COL28A1: variants seen among roughly 807,000 people sequenced by gnomAD.
COL28A1 encodes the protein collagen alpha-1(XXVIII) chain.
COL28A1 carries 161 observed loss-of-function variants against 150.2 expected under a neutral mutation model. The observed-to-expected ratio is 1.07, with a 90% confidence interval of 0.94 to 1.22. The LOEUF is 1.22. Among genes scored for constraint, COL28A1 ranks in the 50% most tolerant of loss-of-function variants. The probability of loss-of-function intolerance (pLI) is 0.00; values close to 1 mark genes in which losing one functional copy is unlikely to be tolerated. For synonymous variants in COL28A1, 552 were observed against 469.7 expected, an observed-to-expected ratio of 1.18 and a Z score of -2.26; for missense variants, 1,617 against 1,388.3, an observed-to-expected ratio of 1.16 and a Z score of -2.62.
At chr7:7,429,015 G>A (rs1256636438) in intron 25 of COL28A1, among the ~76,000 whole-genome samples, 1 of 152,168 alleles carries the variant, frequency 6.6e-6, no homozygotes, top group Admixed American at 6.5e-5. Flanking sequence ...TGAGTTTAAT[G>A]TCTGTGTCAT....
At position 7,471,592 on chromosome 7, in the gene COL28A1, C is replaced by T. The variant is rs1446449019; in HGVS notation, c.1302+3009G>A. Among the ~76,000 whole-genome samples, 3 of 152,238 alleles carry T rather than the reference C, an allele frequency of 2.0e-5. No individual in the cohort carries two copies. The East Asian group carries it at 5.8e-4, about 29-fold the overall frequency. On this transcript the variant is annotated intron_variant, in intron 15 of 34. Transcript: ENST00000399429. ...TACGCAAGTCAATAAATGTGATACA[C>T]CACATGAACAGAATAAAACAGGCTG...
At chr7:7,543,079 T>A in the COL28A1 span, among the ~76,000 whole-genome samples, 3 of 152,306 alleles carry the variant, frequency 2.0e-5, no homozygotes, top group South Asian at 6.2e-4. Context: ...GGTATAAAAT[T>A]TTCAAATAAT....
At chr7:7,404,794 CATTTTTGTCTCTTTTGCTT>C (rs1395672807) in intron 27 of COL28A1, among the ~76,000 whole-genome samples, 10 of 152,132 alleles carry the variant, frequency 6.6e-5, no homozygotes, top group South Asian at 6.2e-4. Flanking sequence ...CACAAAGTCT[CATTTTTGTCTCTTTTGCTT>C]ATGATACATC....
rs779918416 is a variant in COL28A1, at chr7:7,532,843, C to T, written c.33G>A (p.Leu11=). The change falls in exon 2 of 35, where the codon CTG becomes CTA. Residue 11 remains leucine (L), a synonymous_variant. Coordinates refer to ENST00000399429, the MANE Select transcript of COL28A1 (RefSeq NM_001037763.3). ...TTTGACTCGTAAACGCTGACAAAAG[C>T]AGGAGATAGAAGACAAAATATCTGT... MWNRYFVFYL[L]LLSAFTSQTV... is the part of the protein sequence containing the mutation. 2.2e-5 allele frequency: 35 copies of T among 1,611,604 alleles called. 1 individual carries two copies. In the South Asian group the frequency reaches 3.6e-4, roughly 17 times the overall value.
intron 27 of COL28A1, among the ~76,000 whole-genome samples, chr7:7,383,277 TG>T (rs1562512183): frequency 4.9e-5 from 7 of 141,542 alleles, no homozygotes; most frequent in African/African-American, 8.6e-5. Flanking sequence ...TGTGTGTGTG[TG>T]TGTGTGTGTG....
intron 25 of COL28A1, among the ~76,000 whole-genome samples, chr7:7,429,447 T>C (rs2881815): frequency 0.035 from 3,546 of 102,754 alleles, 140 homozygotes; most frequent in African/African-American, 0.16. Flanking sequence ...CACACTCTCT[T>C]TCTCTCTGTG....
chr7:7,414,051 C>G (rs149880529), intron 27 of COL28A1, among the ~76,000 whole-genome samples: 280 of 152,284 alleles, frequency 1.8e-3, no homozygotes, highest in African/African-American at 6.4e-3. Context: ...GATGGGGAAA[C>G]TGGCATAACT....
At position 7,404,618 on chromosome 7, in the gene COL28A1, G is replaced by A. The variant is rs575878415; in HGVS notation, c.2136+13241C>T. On this transcript the variant is annotated intron_variant, in intron 27 of 34. Coordinates refer to ENST00000399429, the MANE Select transcript of COL28A1 (RefSeq NM_001037763.3). ...CAAGGCTGTCTCCCTCACCTCCTCCGGTCTCTGCTCAGATATTATCTACTC... is the reference window on the plus strand; with the variant it reads ...CAAGGCTGTCTCCCTCACCTCCTCCAGTCTCTGCTCAGATATTATCTACTC... Among the ~76,000 whole-genome samples, 177 of 151,924 alleles carry A rather than the reference G, an allele frequency of 1.2e-3. 1 individual carries two copies. In the Middle Eastern group the frequency reaches 0.017, roughly 15 times the overall value.
chr7:7,479,664 G>T (rs2128358274), intron 13 of COL28A1, among the ~76,000 whole-genome samples: 1 of 152,264 alleles, frequency 6.6e-6, no homozygotes, highest in African/African-American at 2.4e-5. Context: ...GGGGAAACAT[G>T]ATTTTCAATT....
chr7:7,388,353 T>C (rs1027174290), intron 27 of COL28A1, among the ~76,000 whole-genome samples: 2 of 152,206 alleles, frequency 1.3e-5, no homozygotes, highest in African/African-American at 4.8e-5. Flanking sequence ...CATCCTTTTT[T>C]ATGGCTGCAT....
At chr7:7,428,914 G>A (rs1016034725) in intron 25 of COL28A1, among the ~76,000 whole-genome samples, 1 of 152,162 alleles carries the variant, frequency 6.6e-6, no homozygotes, top group African/African-American at 2.4e-5. Flanking sequence ...ATGTTGCAGG[G>A]AATTTTTCCA....
At chr7:7,443,807 T>C (rs1786005628) in intron 19 of COL28A1, among the ~76,000 whole-genome samples, 154 bp from the exon 20 acceptor site, 1 of 152,132 alleles carries the variant, frequency 6.6e-6, no homozygotes, top group Admixed American at 6.5e-5. Context: ...ATTTGGAAGT[T>C]TATAAACTTG....
At chr7:7,377,377 C>A (rs758125653) in intron 30 of COL28A1, among the ~76,000 whole-genome samples, 18 of 152,084 alleles carry the variant, frequency 1.2e-4, no homozygotes, top group Non-Finnish European at 2.2e-4. Flanking sequence ...GATTCACAGT[C>A]CAGGAAGAAG....
chr7:7,367,869 T>C (rs1325880359), intron 33 of COL28A1, among the ~76,000 whole-genome samples: 3 of 151,288 alleles, frequency 2.0e-5, no homozygotes, highest in African/African-American at 7.3e-5. Flanking sequence ...GTATATAGTG[T>C]TTCAATCCAT....
chr7:7,391,111 T>C (rs1782515311), intron 27 of COL28A1, among the ~76,000 whole-genome samples: 1 of 152,216 alleles, frequency 6.6e-6, no homozygotes, highest in African/African-American at 2.4e-5. Context: ...CTTGTGGGCA[T>C]TTCGTGCTAT....
intron 6 of COL28A1, among the ~76,000 whole-genome samples, chr7:7,518,567 T>G (rs1396130632): frequency 6.6e-6 from 1 of 152,238 alleles, no homozygotes; most frequent in Non-Finnish European, 1.5e-5. Flanking sequence ...AATAGTTAAC[T>G]TTGTTAGTAT....
intron 22 of COL28A1, 39 bp downstream of exon 22, chr7:7,437,355 A>T: frequency 6.3e-7 from 1 of 1,576,980 alleles, no homozygotes; most frequent in South Asian, 1.2e-5. Context: ...CAACTGCCAA[A>T]GGGTCAAGAA....
chr7:7,474,470 T>G (rs1401285387), intron 15 of COL28A1, 131 bp downstream of exon 15: 5 of 494,992 alleles, frequency 1.0e-5, no homozygotes, highest in African/African-American at 8.1e-5. Flanking sequence ...AAAAAGAATA[T>G]ACTAGATTTA....
chr7:7,358,786 G>A lies in COL28A1; in HGVS notation c.3225C>T (p.Ala1075=), dbSNP rs1780468323. The A allele has an allele frequency of 1.2e-6, 2 of 1,613,734 alleles. No individual in the cohort carries two copies. Among genetic ancestry groups the A allele is most frequent in the Non-Finnish European group, 1.7e-6 (2 of 1,179,818 alleles). Residue 1075 remains alanine, a synonymous_variant, in exon 35 of 35, where the codon GCC becomes GCT. Transcript: ENST00000399429. ...DGAEDPRCLE[A]LKPGNCGEYV... ...ATTCACCACAGTTTCCAGGCTTCAA[G>A]GCTTCCAAACATCTAGGATCTAGAG...
Sources: allele counts gnomAD v4.1 joint callset (sites outside exome capture counted in the v4.1 genomes callset), GRCh38; gene constraint gnomAD v4.1.1; transcripts MANE v1.5; gene names NCBI Gene and HGNC (gene_info 2026-07-23, HGNC 2026-07-21).